COL22A1: variants seen among roughly 807,000 people sequenced by gnomAD.
COL22A1 encodes collagen alpha-1(XXII) chain.
COL22A1 carries 221 observed loss-of-function variants against 248.9 expected under a neutral mutation model. That is an observed-to-expected ratio of 0.89 (90% CI 0.80 to 0.99). The LOEUF (loss-of-function observed/expected upper bound fraction) is 0.99. COL22A1 is among the 50% of genes least tolerant of loss of function. COL22A1 has a pLI of 0.00. For missense variants in COL22A1, 2,240 were observed against 2,179.0 expected (o/e 1.03, Z -0.56); for synonymous variants, 891 against 793.4 (o/e 1.12, Z -2.07).
At chr8:138,656,251 C>A (rs1823248960) in intron 44 of COL22A1, among the ~76,000 whole-genome samples, 1 of 152,200 alleles carries the variant, frequency 6.6e-6, no homozygotes, top group Non-Finnish European at 1.5e-5. Context: ...CCCCGACCAC[C>A]AAAACCTGAT....
At chr8:138,805,068 T>TAG (rs1817379688) in intron 10 of COL22A1, among the ~76,000 whole-genome samples, 1 of 145,640 alleles carries the variant, frequency 6.9e-6, no homozygotes, top group African/African-American at 2.6e-5. Flanking sequence ...TGTGATGGTG[T>TAG]GTGTGTGTGT....
At chr8:138,818,032 C>G (rs757890382) in intron 7 of COL22A1, among the ~76,000 whole-genome samples, 7 of 152,190 alleles carry the variant, frequency 4.6e-5, no homozygotes, top group Non-Finnish European at 8.8e-5. Context: ...CTCCCACTAC[C>G]TCAAATAGAA....
At chr8:138,887,647 T>A (rs576561164) in intron 1 of COL22A1, among the ~76,000 whole-genome samples, 6 of 152,204 alleles carry the variant, frequency 3.9e-5, no homozygotes, top group African/African-American at 1.4e-4. Flanking sequence ...AATTTCTACT[T>A]TGGGACATTT....
chr8:138,778,455 G>C (rs779230608), intron 14 of COL22A1, 49 bp from the exon 15 acceptor site: 1 of 1,511,674 alleles, frequency 6.6e-7, no homozygotes, highest in Admixed American at 2.1e-5. Context: ...GAAAAGAAAG[G>C]CAAGTGCAGC....
intron 44 of COL22A1, among the ~76,000 whole-genome samples, chr8:138,659,799 A>G (rs1314259554): frequency 6.6e-6 from 1 of 152,086 alleles, no homozygotes; most frequent in Non-Finnish European, 1.5e-5. Context: ...AGGAACCAAC[A>G]CTCAGGGCTG....
At chr8:138,629,075 T>TG (rs1786176036) in intron 50 of COL22A1, among the ~76,000 whole-genome samples, 1 of 152,062 alleles carries the variant, frequency 6.6e-6, no homozygotes. Flanking sequence ...TCTCCCAAAG[T>TG]GCTGTGATTA....
At chr8:138,754,061 T>G (rs993268470) in intron 21 of COL22A1, among the ~76,000 whole-genome samples, 2 of 152,276 alleles carry the variant, frequency 1.3e-5, no homozygotes, top group African/African-American at 2.4e-5. Context: ...TCTGCACTAA[T>G]GTTTTCATTG....
At position 138,813,080 on chromosome 8, in the gene COL22A1, G is replaced by A. The variant is rs540269836; in HGVS notation, c.1246-61C>T. ...GGGACTTTGGAACCCAGAAACCTCCGTGGTTTCACACAGGCCCCGTCCTGG... is the reference window on the plus strand; with the variant it reads ...GGGACTTTGGAACCCAGAAACCTCCATGGTTTCACACAGGCCCCGTCCTGG... On this transcript the variant is annotated intron_variant, in intron 7 of 64. Coordinates refer to ENST00000303045, the MANE Select transcript of COL22A1 (RefSeq NM_152888.3). 8.2e-6 allele frequency: 11 copies of A among 1,346,002 alleles called. No homozygotes were observed. In the Admixed American group the frequency reaches 8.4e-5, roughly 10 times the overall value. The allele number at this position is 1,346,002 out of a possible 1,614,324, so 83.4% of individuals were successfully genotyped here.
At chr8:138,752,812 G>C (rs1832709367) in intron 21 of COL22A1, among the ~76,000 whole-genome samples, 1 of 152,214 alleles carries the variant, frequency 6.6e-6, no homozygotes, top group South Asian at 2.1e-4. Context: ...ACTGAAGCCA[G>C]CTTCTCAATT....
chr8:138,873,472 T>C (rs74700162), intron 3 of COL22A1, among the ~76,000 whole-genome samples: 1,663 of 152,276 alleles, frequency 0.011, 38 homozygotes, highest in African/African-American at 0.038. Flanking sequence ...TAGGAGCTCA[T>C]CCTACATACT....
intron 1 of COL22A1, among the ~76,000 whole-genome samples, chr8:138,897,907 C>A (rs142106691): frequency 5.0e-4 from 76 of 152,128 alleles, no homozygotes; most frequent in African/African-American, 1.8e-3. Flanking sequence ...TCCCACAGTT[C>A]TGGAGGCTGG....
At chr8:138,903,038 TC>T (rs1814736389) in intron 1 of COL22A1, among the ~76,000 whole-genome samples, 1 of 152,084 alleles carries the variant, frequency 6.6e-6, no homozygotes, top group South Asian at 2.1e-4. Flanking sequence ...AAATGCTCCC[TC>T]CCTATCGCGA....
At chr8:138,664,201 G>GCA (rs1258337423) in intron 41 of COL22A1, among the ~76,000 whole-genome samples, 7 of 87,872 alleles carry the variant, frequency 8.0e-5, no homozygotes, top group South Asian at 9.3e-4. Flanking sequence ...GGGTGCGCGC[G>GCA]CGCGCGCGCA....
chr8:138,667,027 G>A (rs1824561606), intron 41 of COL22A1, among the ~76,000 whole-genome samples: 1 of 152,182 alleles, frequency 6.6e-6, no homozygotes, highest in Non-Finnish European at 1.5e-5. Context: ...AAGTAGAGGA[G>A]CAGGCAGTGC....
rs1483155408 is a variant in COL22A1 at position 138,829,401 on chromosome 8, C to CTTTTT, written c.846-2621_846-2620insAAAAA. Among the ~76,000 whole-genome samples the CTTTTT allele has an allele frequency of 4.3e-3, 350 of 81,752 alleles. 1 individual carries two copies. The highest frequency in any genetic ancestry group is 0.016 in the Middle Eastern group (2 of 128). The allele number at this position is 81,752 out of a possible 152,430, so 53.6% of individuals were successfully genotyped here. A position where few individuals can be genotyped will look rare whatever the true frequency, so the allele number is the denominator to read the frequency against. On this transcript the variant is annotated intron_variant, in intron 5 of 64. Coordinates refer to ENST00000303045, the MANE Select transcript of COL22A1 (RefSeq NM_152888.3). ...TTCTTTTCTTTATTTCCTTCCTTTC[C>CTTTTT]TGTTTTTTTTTTTTTTTTTTTTTGA...
chr8:138,793,273 TTCTACCCTC>T (rs1816224249), intron 12 of COL22A1, among the ~76,000 whole-genome samples: 2 of 152,152 alleles, frequency 1.3e-5, no homozygotes, highest in Non-Finnish European at 2.9e-5. Flanking sequence ...ACGAGTGGCC[TTCTACCCTC>T]TCTAGACGCT....
intron 2 of COL22A1, among the ~76,000 whole-genome samples, chr8:138,881,299 G>GAC: frequency 7.2e-6 from 1 of 139,266 alleles, no homozygotes; most frequent in African/African-American, 2.6e-5. Context: ...GAGAGGCTCA[G>GAC]AAAAAAAAAA....
rs2130812861 is a variant in COL22A1, at chr8:138,677,999, TTTG to T, written c.3073-1367_3073-1365del. ...GGTAGAACTCGATATTGCTAGGTAA[TTTG>T]TTGCTTTATTAAGGTTTAGGTTATT... On this transcript the variant is annotated intron_variant, in intron 40 of 64. Coordinates refer to ENST00000303045, the MANE Select transcript of COL22A1 (RefSeq NM_152888.3). Among the ~76,000 whole-genome samples the T allele has an allele frequency of 1.3e-5, 2 of 152,362 alleles. 1 individual carries two copies. Among genetic ancestry groups the T allele is most frequent in the South Asian group, 4.1e-4 (2 of 4,832 alleles).
chr8:138,703,514 A>G (rs1360443176), intron 30 of COL22A1, among the ~76,000 whole-genome samples, 167 bp from the exon 31 acceptor site: 6 of 152,196 alleles, frequency 3.9e-5, no homozygotes, highest in South Asian at 2.1e-4. Flanking sequence ...ATACATACAT[A>G]ATTACATATG....
Sources: gnomAD v4.1 joint callset for allele counts (sites outside exome capture counted in the v4.1 genomes callset) on GRCh38, gnomAD v4.1.1 for gene constraint, MANE v1.5 for transcripts, NCBI Gene and HGNC (gene_info 2026-07-23, HGNC 2026-07-21) for gene names.